PLXNC1: variants seen among roughly 807,000 people sequenced by gnomAD.
PLXNC1 encodes the protein plexin-C1.
Under a neutral mutation model 178.2 loss-of-function variants are expected in PLXNC1, and 75 were observed. The ratio of observed to expected loss-of-function variants is 0.42; its 90% confidence interval spans 0.35 to 0.51. The LOEUF (loss-of-function observed/expected upper bound fraction) is 0.51, where lower values mean the gene tolerates loss of function less well. PLXNC1 is among the 20% of genes least tolerant of loss of function. PLXNC1 has a pLI of 0.02. For missense variants in PLXNC1, 1,503 were observed against 1,984.4 expected (o/e 0.76, Z 4.61); for synonymous variants, 790 against 779.9 (o/e 1.01, Z -0.22).
At chr12:94,215,953 A>G (rs558403377) in intron 5 of PLXNC1, among the ~76,000 whole-genome samples, 23 of 152,238 alleles carry the variant, frequency 1.5e-4, no homozygotes, top group African/African-American at 4.1e-4. Flanking sequence ...CATATACATG[A>G]TTTCCTTTTA....
In PLXNC1 at chr12:94,186,356, G is replaced by A; in HGVS notation, c.1339-17G>A. The stretch of plus-strand genomic sequence containing the variant: ...TGCTTATAATTCCATCTGAACCATT[G>A]TCCTCTTTCCTTTTAGGTGAGGAGA... On this transcript the variant is annotated splice_polypyrimidine_tract_variant and intron_variant, in intron 3 of 30. Coordinates refer to ENST00000258526, the MANE Select transcript of PLXNC1 (RefSeq NM_005761.3). 6.4e-7 allele frequency: 1 copy of A among 1,561,594 alleles called. No individual in the cohort carries two copies. The highest frequency in any genetic ancestry group is 8.8e-7 in the Non-Finnish European group (1 of 1,132,196).
At chr12:94,276,071 T>C (rs1326767424) in intron 21 of PLXNC1, among the ~76,000 whole-genome samples, 1 of 152,208 alleles carries the variant, frequency 6.6e-6, no homozygotes, top group East Asian at 1.9e-4. Flanking sequence ...GTTTTTTCTT[T>C]TGGTTATGTT....
intron 21 of PLXNC1, among the ~76,000 whole-genome samples, chr12:94,269,413 G>T (rs899467284): frequency 1.3e-5 from 2 of 152,200 alleles, no homozygotes; most frequent in African/African-American, 4.8e-5. Context: ...TTCTCTAGCA[G>T]TTACCATTTT....
chr12:94,237,597 C>A, intron 9 of PLXNC1, 67 bp from the exon 10 acceptor site: 3 of 1,443,234 alleles, frequency 2.1e-6, no homozygotes, highest in Non-Finnish European at 2.9e-6. Flanking sequence ...AGCGTATAAA[C>A]AGATTTTTTT....
intron 23 of PLXNC1, among the ~76,000 whole-genome samples, chr12:94,291,856 C>T (rs1167026650): frequency 6.6e-6 from 1 of 152,146 alleles, no homozygotes. Flanking sequence ...TTGATCCCAT[C>T]ACCCAGTGAA....
intron 5 of PLXNC1, among the ~76,000 whole-genome samples, chr12:94,217,112 C>T (rs1225113914): frequency 6.6e-6 from 1 of 152,220 alleles, no homozygotes; most frequent in African/African-American, 2.4e-5. Context: ...TCCCCTGAAC[C>T]TGTTCTTGCT....
Position 94,169,206 on chromosome 12 carries a change from C to T in PLXNC1, c.1116C>T (p.Ile372=), listed in dbSNP as rs770449252. ...RVQPIASSTL[I]HSDLTSVYGT... Reference sequence around the variant, plus strand: ...AACCAATCGCATCATCTACCTTGATCCATTCCGACCTGACATCCGTTTATG... The same window carrying T: ...AACCAATCGCATCATCTACCTTGATTCATTCCGACCTGACATCCGTTTATG... The change falls in exon 2 of 31, where the codon ATC becomes ATT. Residue 372 remains isoleucine (I), a synonymous_variant. Transcript: ENST00000258526. 1.2e-6 allele frequency: 2 copies of T among 1,613,640 alleles called. No homozygotes were observed. The highest frequency in any genetic ancestry group is 8.5e-7 in the Non-Finnish European group (1 of 1,179,710).
At chr12:94,173,414 A>T (rs1312143695) in intron 2 of PLXNC1, among the ~76,000 whole-genome samples, 3 of 152,230 alleles carry the variant, frequency 2.0e-5, no homozygotes, top group African/African-American at 7.2e-5. Flanking sequence ...ATGCATGCCC[A>T]TTAACCTTCG....
intron 2 of PLXNC1, among the ~76,000 whole-genome samples, chr12:94,177,075 GTGTATATATATA>G (rs1402915786): frequency 7.7e-6 from 1 of 130,656 alleles, no homozygotes; most frequent in Non-Finnish European, 1.6e-5. Flanking sequence ...GTGTGTGTGT[GTGTATATATATA>G]TGTGTATATA....
chr12:94,297,082 G>GT (rs1218864857), intron 24 of PLXNC1, 107 bp from the exon 25 acceptor site: 49 of 1,059,886 alleles, frequency 4.6e-5, no homozygotes, highest in Non-Finnish European at 6.6e-5. Context: ...AAAAGCTCAA[G>GT]TAACTTCAGT....
rs1354296779 is a variant in PLXNC1 at position 94,307,599 on chromosome 12, A to G, written c.*2314A>G. On this transcript the variant is annotated 3_prime_UTR_variant, in exon 31 of 31. Transcript: ENST00000258526. ...ATTTAAAGTCTATTTCTTATTGTAT[A>G]CCTGATTGAAGCTGTTCTTGGAGAT... is the stretch of plus-strand genomic sequence containing the variant. The G allele has an allele frequency of 1.3e-5, 2 of 152,000 alleles. No individual in the cohort carries two copies. The highest frequency in any genetic ancestry group is 1.3e-4 in the Admixed American group (2 of 15,248). 9.4% of individuals were successfully genotyped at this position (152,000 alleles called of 1,614,324 possible). A position where few individuals can be genotyped will look rare whatever the true frequency, so the allele number is the denominator to read the frequency against.
intron 4 of PLXNC1, among the ~76,000 whole-genome samples, chr12:94,200,864 T>G (rs1020308202): frequency 6.6e-6 from 1 of 152,250 alleles, no homozygotes; most frequent in Non-Finnish European, 1.5e-5. Context: ...GTTTTTTATG[T>G]GCTAAATAGC....
intron 28 of PLXNC1, among the ~76,000 whole-genome samples, chr12:94,303,304 G>C (rs539330363): frequency 6.6e-6 from 1 of 152,072 alleles, no homozygotes; most frequent in Non-Finnish European, 1.5e-5. Context: ...TTACTTACCA[G>C]TTTCATGGTT....
At chr12:94,254,329 C>T (rs1367806907) in intron 15 of PLXNC1, 2 of 363,694 alleles carry the variant, frequency 5.5e-6, no homozygotes, top group Non-Finnish European at 5.4e-6. Context: ...AGGTTTGGCC[C>T]ATGTAGCCAA....
rs917503999 is a variant in PLXNC1 at position 94,282,010 on chromosome 12, A to G, written c.3776-288A>G. On this transcript the variant is annotated intron_variant, in intron 22 of 30. Transcript: ENST00000258526. ...GAGCATATACAAATTTGCTTCTGGA[A>G]TTTTTGTTGAAGAGCTTAGTCGTCC... 10 of 312,832 alleles carry G rather than the reference A, an allele frequency of 3.2e-5. No individual in the cohort carries two copies. In the Admixed American group the frequency reaches 4.3e-4, roughly 13 times the overall value. The allele number at this position is 312,832 out of a possible 1,614,324, so 19.4% of individuals were successfully genotyped here.
chr12:94,155,896 G>A (rs1252864706), intron 1 of PLXNC1, among the ~76,000 whole-genome samples: 1 of 152,170 alleles, frequency 6.6e-6, no homozygotes, highest in Admixed American at 6.5e-5. Flanking sequence ...AGATCTACTT[G>A]AGTAAGGTCA....
chr12:94,197,441 C>CTCTCTCTCTA, intron 4 of PLXNC1, among the ~76,000 whole-genome samples: 1 of 150,892 alleles, frequency 6.6e-6, no homozygotes, highest in South Asian at 2.1e-4. Flanking sequence ...GCCCCTTTCT[C>CTCTCTCTCTA]TCTCTCTCTC....
chr12:94,224,828 G>A (rs1963894396), intron 7 of PLXNC1, among the ~76,000 whole-genome samples: 1 of 152,166 alleles, frequency 6.6e-6, no homozygotes. Flanking sequence ...GATCACCTGA[G>A]CCTAGGAGAT....
chr12:94,155,511 A>AT (rs199821408), intron 1 of PLXNC1, among the ~76,000 whole-genome samples: 40 of 152,114 alleles, frequency 2.6e-4, no homozygotes, highest in African/African-American at 9.4e-4. Flanking sequence ...AACTTGTCGC[A>AT]TTTTTTTTCC....
Sources: allele counts gnomAD v4.1 joint callset (sites outside exome capture counted in the v4.1 genomes callset), GRCh38; gene constraint gnomAD v4.1.1; transcripts MANE v1.5; gene names NCBI Gene and HGNC (gene_info 2026-07-23, HGNC 2026-07-21).